Variants in DNTTIP2 observed in about 807,000 individuals in gnomAD.
DNTTIP2 encodes deoxynucleotidyltransferase terminal interacting protein 2, also known as deoxynucleotidyltransferase terminal-interacting protein 2.
Under a neutral mutation model 62.4 loss-of-function variants are expected in DNTTIP2, and 47 were observed. The observed-to-expected ratio is 0.75, with a 90% CI of 0.60 to 0.96. The LOEUF (loss-of-function observed/expected upper bound fraction) is 0.96. Among genes scored for constraint, DNTTIP2 ranks in the 40% least tolerant of loss-of-function variants. The pLI is 0.00. For missense variants in DNTTIP2, 870 were observed against 849.1 expected, an observed-to-expected ratio of 1.02 and a Z score of -0.31; for synonymous variants, 322 against 300.9, an observed-to-expected ratio of 1.07 and a Z score of -0.73.
rs776909938 is a variant in DNTTIP2 at position 93,872,244 on chromosome 1, TATG to T, written c.1903-11_1903-9del. 3 of 1,611,964 alleles carry T rather than the reference TATG, an allele frequency of 1.9e-6. No individual in the cohort carries two copies. In the South Asian group the frequency reaches 3.3e-5, roughly 18 times the overall value. On this transcript the variant is annotated splice_polypyrimidine_tract_variant and intron_variant, in intron 4 of 6. Transcript: ENST00000436063. ...TGTTTTTTGTCGTTCTTTCTGAAAT[TATG>T]ATTTCAAAAATAAACATTCTAACAG...
chr1:93,878,389 AC>A (rs1656071612), intron 1 of DNTTIP2, among the ~76,000 whole-genome samples: 1 of 152,216 alleles, frequency 6.6e-6, no homozygotes, highest in Non-Finnish European at 1.5e-5. Context: ...CCTAGATGTA[AC>A]TTCAGAAGCA....
At chr1:93,873,514 A>C in intron 3 of DNTTIP2, 1 of 239,592 alleles carries the variant, frequency 4.2e-6, no homozygotes, top group Non-Finnish European at 8.1e-6. Context: ...AGGCAGAAGG[A>C]TCACTTGAGG....
chr1:93,872,973 T>C (rs1169332210), intron 4 of DNTTIP2, 146 bp downstream of exon 4: 3 of 536,848 alleles, frequency 5.6e-6, no homozygotes, highest in African/African-American at 3.9e-5. Context: ...TGGTACTATA[T>C]TTTACAGCCC....
chr1:93,874,604 G>C (rs369211363), intron 3 of DNTTIP2, among the ~76,000 whole-genome samples: 4 of 152,168 alleles, frequency 2.6e-5, no homozygotes, highest in Non-Finnish European at 5.9e-5. Context: ...GGGTGGGGTA[G>C]AGAGGTACTT....
At position 93,877,722 on chromosome 1, in the gene DNTTIP2, A is replaced by G. The variant is rs1398082745; in HGVS notation, c.213T>C (p.Thr71=). The G allele has an allele frequency of 6.2e-7, 1 of 1,613,906 alleles. No individual in the cohort carries two copies. Among genetic ancestry groups the G allele is most frequent in the Non-Finnish European group, 8.5e-7 (1 of 1,179,886 alleles). ...TPKARKRKSR[T]TGSLPKGTEP... ...CAGTCCCCTTTGGTAGTGAGCCTGT[A>G]GTTCTGCTCTTCCTCTTTCTAGCTT... The change falls in exon 2 of 7, where the codon ACT becomes ACC. Residue 71 remains threonine (T), a synonymous_variant. Transcript: ENST00000436063.
Position 93,873,190 on chromosome 1 carries a change from G to T in DNTTIP2, c.1831C>A (p.Pro611Thr), listed in dbSNP as rs1407316141. 1 of 1,611,806 alleles carries T rather than the reference G, an allele frequency of 6.2e-7. No individual in the cohort carries two copies. The highest frequency in any genetic ancestry group is 1.6e-4 in the Middle Eastern group (1 of 6,072). Reference protein sequence around the residue: ...NELLQKAVITPDFEKNHCVPP... With the variant: ...NELLQKAVITTDFEKNHCVPP... ...ACACAGTGGTTTTTTTCAAAATCAGGTGTAATGACGGCTTTCTGCAGAAGC... is the reference window on the plus strand; with the variant it reads ...ACACAGTGGTTTTTTTCAAAATCAGTTGTAATGACGGCTTTCTGCAGAAGC... Residue 611 changes from proline (P) to threonine (T), a missense_variant, in exon 4 of 7, where the codon CCT becomes ACT. Physicochemically the swap from Pro to Thr is conservative, Grantham distance 38 (BLOSUM62 -1). Coordinates refer to ENST00000436063, the MANE Select transcript of DNTTIP2 (RefSeq NM_014597.5).
Position 93,875,766 on chromosome 1 carries a change from CTGCT to C in DNTTIP2, c.1681_1684del (p.Ser561AlafsTer3). ...GATACTCAGACCAGGGTCTATGCTG[CTGCT>C]TGTCAACTTCAGACTGAAAAAGAAA... On this transcript the variant is annotated frameshift_variant, in exon 3 of 7. Coordinates refer to ENST00000436063, the MANE Select transcript of DNTTIP2 (RefSeq NM_014597.5). LOFTEE classifies it high-confidence loss of function. 1.9e-6 allele frequency: 3 copies of C among 1,609,598 alleles called. No homozygotes were observed. Among genetic ancestry groups the C allele is most frequent in the Non-Finnish European group, 2.5e-6 (3 of 1,178,902 alleles).
intron 2 of DNTTIP2, 137 bp from the exon 3 acceptor site, chr1:93,875,920 A>G (rs1655988862): frequency 2.3e-6 from 2 of 866,982 alleles, no homozygotes; most frequent in Non-Finnish European, 1.7e-6. Flanking sequence ...TCTTATTTTT[A>G]TGAGGAATTC....
In DNTTIP2 at chr1:93,868,884, G is replaced by A. The variant is rs532365544; in HGVS notation, c.*967C>T. On this transcript the variant is annotated 3_prime_UTR_variant, in exon 7 of 7. Transcript: ENST00000436063. ...GGGACTAGGGGAGGGATAGCACTAG[G>A]AGAAATACCTAATGTAGATAGGTTG... 1 of 152,178 alleles carries A rather than the reference G, an allele frequency of 6.6e-6. No individual in the cohort carries two copies. Among genetic ancestry groups the A allele is most frequent in the East Asian group, 1.9e-4 (1 of 5,160 alleles). 9.4% of individuals were successfully genotyped at this position (152,178 alleles called of 1,614,324 possible). A position where few individuals can be genotyped will look rare whatever the true frequency, so the allele number is the denominator to read the frequency against.
Position 93,872,054 on chromosome 1 carries a change from A to G in DNTTIP2, c.2067+18T>C, listed in dbSNP as rs535246915. On this transcript the variant is annotated intron_variant, in intron 5 of 6. Transcript: ENST00000436063. ...CTAAAATTCACAGATCATCACCACT[A>G]TTCTGTTTGCTTCATACCTGGAAGT... The G allele has an allele frequency of 4.3e-6, 7 of 1,613,072 alleles. No individual in the cohort carries two copies. The highest frequency in any genetic ancestry group is 1.1e-5 in the South Asian group (1 of 91,012).
chr1:93,878,296 T>C (rs1036457735), intron 1 of DNTTIP2, among the ~76,000 whole-genome samples: 1 of 152,050 alleles, frequency 6.6e-6, no homozygotes, highest in Admixed American at 6.6e-5. Flanking sequence ...AGAGCAAGAC[T>C]CCGAATCAAA....
At position 93,879,063 on chromosome 1, in the gene DNTTIP2, A is replaced by C; in HGVS notation, c.72+14T>G. The C allele has an allele frequency of 1.2e-6, 2 of 1,613,380 alleles. No individual in the cohort carries two copies. Among genetic ancestry groups the C allele is most frequent in the East Asian group, 2.2e-5 (1 of 44,870 alleles). On this transcript the variant is annotated intron_variant, in intron 1 of 6. Transcript: ENST00000436063. Reference sequence around the variant, plus strand: ...TGCGAAGCGGCGAGAAGTAGGGAAGACTGGATTTCCTACCTTTTGCCCGGA... The same window carrying C: ...TGCGAAGCGGCGAGAAGTAGGGAAGCCTGGATTTCCTACCTTTTGCCCGGA...
At chr1:93,875,886 G>C (rs1655987999) in intron 2 of DNTTIP2, 103 bp from the exon 3 acceptor site, 4 of 1,178,166 alleles carry the variant, frequency 3.4e-6, no homozygotes, top group Non-Finnish European at 4.7e-6. Flanking sequence ...CCCTTGTATT[G>C]TCCACAATAA....
Position 93,867,557 on chromosome 1 carries a change from C to T in DNTTIP2, c.*2294G>A, listed in dbSNP as rs2100879514. ...TGAGATGGCACCACTGCACTCCAAC[C>T]TGGGTGATGGAGTGAGACGTCTCAA... On this transcript the variant is annotated 3_prime_UTR_variant, in exon 7 of 7. Coordinates refer to ENST00000436063, the MANE Select transcript of DNTTIP2 (RefSeq NM_014597.5). 6.7e-6 allele frequency: 1 copy of T among 148,690 alleles called. No individual in the cohort carries two copies. The highest frequency in any genetic ancestry group is 2.1e-4 in the South Asian group (1 of 4,718). The allele number at this position is 148,690 out of a possible 1,614,324, so 9.2% of individuals were successfully genotyped here.
chr1:93,876,701 T>C lies in DNTTIP2; in HGVS notation c.1234A>G (p.Met412Val). Residue 412 changes from methionine (M) to valine (V), a missense_variant, in exon 2 of 7, where the codon ATG becomes GTG. Met to Val is a conservative substitution (Grantham distance 21). Coordinates refer to ENST00000436063, the MANE Select transcript of DNTTIP2 (RefSeq NM_014597.5). Reference sequence around the variant, plus strand: ...AAATCTACATTCCCTTCACTGTTCATGTCTTCACTGACACTTATAACTGTG... The same window carrying C: ...AAATCTACATTCCCTTCACTGTTCACGTCTTCACTGACACTTATAACTGTG... ...ESTVISVSED[M>V]NSEGNVDFEC... 1 of 1,614,030 alleles carries C rather than the reference T, an allele frequency of 6.2e-7. No homozygotes were observed. The highest frequency in any genetic ancestry group is 8.5e-7 in the Non-Finnish European group (1 of 1,179,886).
In DNTTIP2 at chr1:93,868,913, G is replaced by C. The variant is rs547260519; in HGVS notation, c.*938C>G. On this transcript the variant is annotated 3_prime_UTR_variant, in exon 7 of 7. Transcript: ENST00000436063. ...AATACCTAATGTAGATAGGTTGATG[G>C]GTGCAGCAAACCACCATGGCACGTG... The C allele has an allele frequency of 6.6e-6, 1 of 151,942 alleles. No individual in the cohort carries two copies. Among genetic ancestry groups the C allele is most frequent in the African/African-American group, 2.4e-5 (1 of 41,404 alleles). The allele number at this position is 151,942 out of a possible 1,614,324, so 9.4% of individuals were successfully genotyped here.
chr1:93,873,691 G>A (rs1468794080), intron 3 of DNTTIP2, among the ~76,000 whole-genome samples: 1 of 151,954 alleles, frequency 6.6e-6, no homozygotes, highest in Non-Finnish European at 1.5e-5. Flanking sequence ...CAACTCTTTA[G>A]GAGGCCAAGG....
At position 93,877,332 on chromosome 1, in the gene DNTTIP2, T is replaced by C. The variant is rs771000107; in HGVS notation, c.603A>G (p.Arg201=). ...SDISFSGIAT[R]RTRSMQRKLK... ...ATTTCCTCTGCATACTCCTGGTTCTTCTAGTTGCAATTCCAGAGAATGAAA... is the reference window on the plus strand; with the variant it reads ...ATTTCCTCTGCATACTCCTGGTTCTCCTAGTTGCAATTCCAGAGAATGAAA... Residue 201 remains arginine, a synonymous_variant, in exon 2 of 7, where the codon AGA becomes AGG. Coordinates refer to ENST00000436063, the MANE Select transcript of DNTTIP2 (RefSeq NM_014597.5). 1.2e-6 allele frequency: 2 copies of C among 1,613,644 alleles called. No individual in the cohort carries two copies. Among genetic ancestry groups the C allele is most frequent in the African/African-American group, 2.7e-5 (2 of 74,926 alleles).
chr1:93,872,429 G>A (rs1655890644), intron 4 of DNTTIP2, among the ~76,000 whole-genome samples, 193 bp from the exon 5 acceptor site: 1 of 152,120 alleles, frequency 6.6e-6, no homozygotes, highest in Non-Finnish European at 1.5e-5. Context: ...CGCTAAATTA[G>A]GGACAGGATT....
Sources: gnomAD v4.1 joint callset for allele counts (sites outside exome capture counted in the v4.1 genomes callset) on GRCh38, gnomAD v4.1.1 for gene constraint, MANE v1.5 for transcripts, NCBI Gene and HGNC (gene_info 2026-07-23, HGNC 2026-07-21) for gene names.